Variants in LAMA4 observed in about 807,000 individuals in gnomAD.
The protein encoded by LAMA4 is laminin subunit alpha-4.
In LAMA4, 127 loss-of-function variants were observed where a neutral mutation model predicts 207.1. That is an observed-to-expected ratio of 0.61 (90% CI 0.53 to 0.71). The LOEUF (loss-of-function observed/expected upper bound fraction) is 0.71. LAMA4 is among the 30% of genes least tolerant of loss of function. LAMA4 has a pLI of 0.00. For missense variants in LAMA4, 2,093 were observed against 2,246.5 expected (o/e 0.93, Z 1.38); for synonymous variants, 761 against 816.0 (o/e 0.93, Z 1.15).
At chr6:112,165,335 G>A in intron 12 of LAMA4, 59 bp from the exon 13 acceptor site, 1 of 1,119,126 alleles carries the variant, frequency 8.9e-7, no homozygotes, top group South Asian at 1.2e-5. Flanking sequence ...AAAGCGTTGG[G>A]GAGAGCAGTA....
intron 12 of LAMA4, among the ~76,000 whole-genome samples, chr6:112,167,950 G>A (rs1319400277): frequency 6.6e-6 from 1 of 151,632 alleles, no homozygotes; most frequent in East Asian, 1.9e-4. Flanking sequence ...GCTCACGCCT[G>A]TAATCCCAGC....
Position 112,187,517 on chromosome 6 carries a change from C to G in LAMA4, c.899G>C (p.Ser300Thr). 2 of 1,614,126 alleles carry G rather than the reference C, an allele frequency of 1.2e-6. No individual in the cohort carries two copies. Among genetic ancestry groups the G allele is most frequent in the South Asian group, 2.2e-5 (2 of 91,076 alleles). The change falls in exon 8 of 39, where the codon AGC (serine) becomes ACC (threonine). Residue 300 changes from serine to threonine, a missense_variant. This residue lies in a region of LAMA4 where 1,704 missense variants were observed against 1,788.4 expected (regional missense o/e 0.95). Transcript: ENST00000230538. The part of the protein sequence containing the change: ...SIEEGKSGVL[S>T]VSSGAAAHRH... ...ATGAGCGGCGGCCCCAGAGGATACG[C>G]TCAGCACCCCGGATTTGCCTTCCTC... is the stretch of plus-strand genomic sequence containing the variant.
chr6:112,155,908 T>G (rs1780685033), intron 14 of LAMA4, among the ~76,000 whole-genome samples: 1 of 152,232 alleles, frequency 6.6e-6, no homozygotes, highest in Non-Finnish European at 1.5e-5. Flanking sequence ...TTTGGTTCTC[T>G]GACAGCTGCC....
At chr6:112,139,312 T>G in intron 23 of LAMA4, 21 bp from the exon 24 acceptor site, 1 of 1,613,686 alleles carries the variant, frequency 6.2e-7, no homozygotes, top group Non-Finnish European at 8.5e-7. Context: ...AACACAACGG[T>G]CATTTGAACA....
intron 2 of LAMA4, among the ~76,000 whole-genome samples, chr6:112,217,221 C>T (rs1019179065): frequency 6.6e-6 from 1 of 152,062 alleles, no homozygotes; most frequent in African/African-American, 2.4e-5. Context: ...AGCTGCCCTC[C>T]CCAGATATCA....
chr6:112,136,239 G>T lies in LAMA4; in HGVS notation c.3298C>A (p.Leu1100Met), dbSNP rs1554331556. 1.2e-6 allele frequency: 2 copies of T among 1,611,272 alleles called. No homozygotes were observed. The highest frequency in any genetic ancestry group is 1.1e-5 in the South Asian group (1 of 91,016). Residue 1100 changes from leucine to methionine, a missense_variant, in exon 25 of 39, where the codon CTG (leucine) becomes ATG (methionine). Transcript: ENST00000230538. Reference protein sequence around the residue: ...LMVNGSMFFRLEMRNGYLHVF... With the variant: ...LMVNGSMFFRMEMRNGYLHVF... ...TGTAGGTAACCATTGCGCATTTCCA[G>T]TCTGAAAAACATACTCTGAGGAGAG...
intron 6 of LAMA4, 65 bp from the exon 7 acceptor site, chr6:112,189,270 T>TAAG: frequency 8.7e-7 from 1 of 1,147,552 alleles, no homozygotes; most frequent in Non-Finnish European, 1.3e-6. Flanking sequence ...GGCAATATTT[T>TAAG]CCTGGTTTCT....
rs942689886 is a variant in LAMA4, at chr6:112,204,987, A to G, written c.422+2034T>C. Among the ~76,000 whole-genome samples the G allele has an allele frequency of 2.0e-5, 3 of 152,298 alleles. No homozygotes were observed. In the East Asian group the frequency reaches 5.8e-4, roughly 29 times the overall value. On this transcript the variant is annotated intron_variant, in intron 4 of 38. Transcript: ENST00000230538. Reference sequence around the variant, plus strand: ...TGTTAGTTGATATTGGTGTTCAATTAAGGAAAAAACATCGGGGGAATCTGA... The same window carrying G: ...TGTTAGTTGATATTGGTGTTCAATTGAGGAAAAAACATCGGGGGAATCTGA...
chr6:112,167,126 A>C (rs1229322374), intron 12 of LAMA4, among the ~76,000 whole-genome samples: 1 of 152,272 alleles, frequency 6.6e-6, no homozygotes, highest in African/African-American at 2.4e-5. Flanking sequence ...CTGTTGGTAC[A>C]TGTCAAAATG....
At chr6:112,139,065 T>C in intron 24 of LAMA4, 55 bp downstream of exon 24, 3 of 1,540,084 alleles carry the variant, frequency 1.9e-6, no homozygotes, top group Non-Finnish European at 2.7e-6. Context: ...GAAACATGAG[T>C]AGCAGAAAGT....
chr6:112,195,208 G>A (rs782689909), intron 5 of LAMA4, among the ~76,000 whole-genome samples: 6 of 152,062 alleles, frequency 3.9e-5, no homozygotes, highest in Non-Finnish European at 7.4e-5. Flanking sequence ...TCACTCTGTA[G>A]CTGTCTTTGG....
At chr6:112,178,348 T>A in intron 9 of LAMA4, 116 bp from the exon 10 acceptor site, 1 of 757,040 alleles carries the variant, frequency 1.3e-6, no homozygotes, top group Non-Finnish European at 2.3e-6. Context: ...TCCTGGCATG[T>A]GAAAGTTCTA....
Position 112,128,823 on chromosome 6 carries a change from T to C in LAMA4, c.4287+99A>G, listed in dbSNP as rs545838676. ...AATCCCATCTTTCCTATGTACGTAG[T>C]TGCAAAGTATCAAGTCAATTCTCTA... On this transcript the variant is annotated intron_variant, in intron 31 of 38. Coordinates refer to ENST00000230538, the MANE Select transcript of LAMA4 (RefSeq NM_001105206.3). The C allele has an allele frequency of 6.0e-6, 6 of 1,007,294 alleles. No homozygotes were observed. The African/African-American group carries it at 9.6e-5, about 16-fold the overall frequency. 62.4% of individuals were successfully genotyped at this position (1,007,294 alleles called of 1,614,324 possible).
chr6:112,211,234 A>C (rs1554356487), intron 3 of LAMA4, among the ~76,000 whole-genome samples: 1 of 152,182 alleles, frequency 6.6e-6, no homozygotes, highest in Non-Finnish European at 1.5e-5. Context: ...AATACCTAAT[A>C]TTGGCAGCAC....
At chr6:112,187,354 G>T in intron 8 of LAMA4, 96 bp downstream of exon 8, 1 of 1,365,696 alleles carries the variant, frequency 7.3e-7, no homozygotes. Flanking sequence ...ATACAGGTAT[G>T]AGACTCAGAT....
At chr6:112,201,287 T>C (rs1453949985) in intron 5 of LAMA4, among the ~76,000 whole-genome samples, 2 of 152,230 alleles carry the variant, frequency 1.3e-5, no homozygotes, top group African/African-American at 4.8e-5. Context: ...CTATTTCTCA[T>C]TGATGGAGAG....
chr6:112,206,336 G>A (rs1207685636), intron 4 of LAMA4, among the ~76,000 whole-genome samples: 1 of 152,178 alleles, frequency 6.6e-6, no homozygotes, highest in African/African-American at 2.4e-5. Flanking sequence ...AGGACACCCA[G>A]TTGGTGTCAG....
At chr6:112,162,753 C>T (rs1436792995) in intron 13 of LAMA4, among the ~76,000 whole-genome samples, 6 of 152,058 alleles carry the variant, frequency 3.9e-5, no homozygotes, top group East Asian at 3.9e-4. Flanking sequence ...AGTTAGCACT[C>T]GGATATAGGA....
At chr6:112,184,083 G>T (rs1227272746) in intron 9 of LAMA4, among the ~76,000 whole-genome samples, 3 of 151,924 alleles carry the variant, frequency 2.0e-5, no homozygotes, top group Non-Finnish European at 4.4e-5. Flanking sequence ...CTATTTAAGA[G>T]ATTTCACTGC....
Sources: gnomAD v4.1 joint callset for allele counts (sites outside exome capture counted in the v4.1 genomes callset) on GRCh38, gnomAD v4.1.1 for gene constraint, gnomAD v4.1.1 regional missense constraint, MANE v1.5 for transcripts, NCBI Gene and HGNC (gene_info 2026-07-23, HGNC 2026-07-21) for gene names.